The following DOK3 variants were observed in gnomAD, a reference collection of about 807,000 sequenced individuals.
The protein encoded by DOK3 is Dok-like protein.
DOK3 carries 23 observed loss-of-function variants against 26.2 expected under a neutral mutation model. That is an observed-to-expected ratio of 0.88 (90% CI 0.63 to 1.24). The LOEUF (loss-of-function observed/expected upper bound fraction) is 1.24, where lower values mean the gene tolerates loss of function less well. Among genes scored for constraint, DOK3 ranks in the 50% most tolerant of loss-of-function variants. DOK3 has a pLI of 0.00. For missense variants in DOK3, 619 were observed against 610.6 expected (o/e 1.01, Z -0.15); for synonymous variants, 268 against 268.2 (o/e 1.00, Z 0.01).
chr5:177,502,323 A>G lies in DOK3; in HGVS notation c.*1660T>C, dbSNP rs948236384. On this transcript the variant is annotated 3_prime_UTR_variant, in exon 6 of 6. Coordinates refer to ENST00000510898, the MANE Select transcript of DOK3 (RefSeq NM_001308236.3). ...TTTTTGCTGTGAAGAGGAACAGAGA[A>G]ACAGAGGTGGCCGAAGAGGAATGTG... 3 of 152,300 alleles carry G rather than the reference A, an allele frequency of 2.0e-5. No homozygotes were observed. Among genetic ancestry groups the G allele is most frequent in the African/African-American group, 7.2e-5 (3 of 41,464 alleles). 9.4% of individuals were successfully genotyped at this position (152,300 alleles called of 1,614,324 possible).
rs28376231 is a variant in DOK3, at chr5:177,503,134, G to A, written c.*849C>T. 1,548,260 of 1,551,610 alleles carry A rather than the reference G, an allele frequency of 1. 772,517 individuals carry two copies. The highest frequency in any genetic ancestry group is 1 in the East Asian group (40,898 of 40,898). On this transcript the variant is annotated 3_prime_UTR_variant, in exon 6 of 6. Coordinates refer to ENST00000510898, the MANE Select transcript of DOK3 (RefSeq NM_001308236.3). ...CCCTGGAGGCATGACGCTTGCGTGCGTGGCTGGCTCCTAGGATGGCGCCAG... is the reference window on the plus strand; with the variant it reads ...CCCTGGAGGCATGACGCTTGCGTGCATGGCTGGCTCCTAGGATGGCGCCAG...
rs555572662 is a variant in DOK3, at chr5:177,506,979, C to T, written c.372+1258G>A. Among the ~76,000 whole-genome samples the T allele has an allele frequency of 1.4e-3, 209 of 152,280 alleles. 1 individual carries two copies. Among genetic ancestry groups the T allele is most frequent in the Non-Finnish European group, 2.3e-3 (158 of 68,020 alleles). ...GGGATTATAGGCCTGAGCCACCGCACCCGGCCACCAGTGCTTTTTAGTATA... is the reference window on the plus strand; with the variant it reads ...GGGATTATAGGCCTGAGCCACCGCATCCGGCCACCAGTGCTTTTTAGTATA... On this transcript the variant is annotated intron_variant, in intron 3 of 5. Coordinates refer to ENST00000510898, the MANE Select transcript of DOK3 (RefSeq NM_001308236.3).
intron 2 of DOK3, 63 bp from the exon 3 acceptor site, chr5:177,508,605 C>T: frequency 7.0e-7 from 1 of 1,437,566 alleles, no homozygotes; most frequent in South Asian, 1.4e-5. Context: ...CCACTTGGCT[C>T]AGCACAAGCT....
intron 2 of DOK3, chr5:177,508,852 C>A (rs1760594270): frequency 2.9e-6 from 1 of 350,116 alleles, no homozygotes; most frequent in East Asian, 4.4e-5. Flanking sequence ...GGGCAGACCA[C>A]CAGACACTGC....
chr5:177,506,016 G>A (rs1335520086), intron 3 of DOK3, among the ~76,000 whole-genome samples: 1 of 151,720 alleles, frequency 6.6e-6, no homozygotes, highest in Non-Finnish European at 1.5e-5. Flanking sequence ...GGGATTACAG[G>A]CATGAGCCAC....
In DOK3 at chr5:177,502,753, G is replaced by A; in HGVS notation, c.*1230C>T. On this transcript the variant is annotated 3_prime_UTR_variant, in exon 6 of 6. Transcript: ENST00000510898. ...TCTGCTTAAATGGATTTCTCTGGCT[G>A]TGGGCAGCTGTGTGCAGGCACTGAG... The A allele has an allele frequency of 4.9e-6, 2 of 408,960 alleles. No individual in the cohort carries two copies. Among genetic ancestry groups the A allele is most frequent in the Non-Finnish European group, 8.8e-6 (2 of 227,170 alleles). 25.3% of individuals were successfully genotyped at this position (408,960 alleles called of 1,614,324 possible). A position where few individuals can be genotyped will look rare whatever the true frequency, so the allele number is the denominator to read the frequency against.
At position 177,504,395 on chromosome 5, in the gene DOK3, G is replaced by A; in HGVS notation, c.911C>T (p.Pro304Leu). The change falls in exon 6 of 6, where the codon CCC becomes CTC. Residue 304 changes from proline to leucine, a missense_variant. Pro to Leu is a moderately conservative substitution (Grantham distance 98, BLOSUM62 -3). Transcript: ENST00000510898. Reference protein sequence around the residue: ...PTSRKMHLAEPGPQSLPLLLG... With the variant: ...PTSRKMHLAELGPQSLPLLLG... ...CAGTAGCGGCAGGCTCTGGGGTCCG[G>A]GCTCGGCCAGGTGCATTTTCCTGGA... The A allele has an allele frequency of 1.3e-6, 2 of 1,566,112 alleles. No individual in the cohort carries two copies. Among genetic ancestry groups the A allele is most frequent in the Non-Finnish European group, 1.7e-6 (2 of 1,155,638 alleles).
At chr5:177,509,204 C>T in intron 2 of DOK3, 1 of 422,656 alleles carries the variant, frequency 2.4e-6, no homozygotes. Flanking sequence ...TGAAGCTCTT[C>T]CCTGCTGGGA....
At position 177,502,375 on chromosome 5, in the gene DOK3, A is replaced by T. The variant is rs1759434659; in HGVS notation, c.*1608T>A. On this transcript the variant is annotated 3_prime_UTR_variant, in exon 6 of 6. Coordinates refer to ENST00000510898, the MANE Select transcript of DOK3 (RefSeq NM_001308236.3). ...GGTCAAGGGAAGGTTTAAAATGTGA[A>T]ATTACAGAGCATGTTTGCGTGTGGC... The T allele has an allele frequency of 6.6e-6, 1 of 152,344 alleles. No individual in the cohort carries two copies. Among genetic ancestry groups the T allele is most frequent in the African/African-American group, 2.4e-5 (1 of 41,426 alleles). The allele number at this position is 152,344 out of a possible 1,614,324, so 9.4% of individuals were successfully genotyped here. A position where few individuals can be genotyped will look rare whatever the true frequency, so the allele number is the denominator to read the frequency against.
intron 3 of DOK3, among the ~76,000 whole-genome samples, chr5:177,506,647 A>G (rs542019331): frequency 2.2e-5 from 3 of 139,062 alleles, no homozygotes; most frequent in Non-Finnish European, 4.7e-5. Context: ...CCCATTTTAC[A>G]TCTTAAAGTG....
Position 177,502,870 on chromosome 5 carries a change from G to A in DOK3, c.*1113C>T, listed in dbSNP as rs554969950. On this transcript the variant is annotated 3_prime_UTR_variant, in exon 6 of 6. Coordinates refer to ENST00000510898, the MANE Select transcript of DOK3 (RefSeq NM_001308236.3). The stretch of plus-strand genomic sequence containing the variant: ...GGGAAGGGACTATGGAGAACAAAGA[G>A]GGGATGGTGGGCAGAGGCCTCGAAG... 3.3e-6 allele frequency: 2 copies of A among 602,866 alleles called. No individual in the cohort carries two copies. The highest frequency in any genetic ancestry group is 3.7e-5 in the African/African-American group (2 of 54,076). 37.3% of individuals were successfully genotyped at this position (602,866 alleles called of 1,614,324 possible). A position where few individuals can be genotyped will look rare whatever the true frequency, so the allele number is the denominator to read the frequency against.
chr5:177,502,434 G>A lies in DOK3; in HGVS notation c.*1549C>T, dbSNP rs1420602696. The A allele has an allele frequency of 2.0e-5, 3 of 152,596 alleles. No individual in the cohort carries two copies. The highest frequency in any genetic ancestry group is 4.8e-5 in the African/African-American group (2 of 41,464). 9.5% of individuals were successfully genotyped at this position (152,596 alleles called of 1,614,324 possible). A position where few individuals can be genotyped will look rare whatever the true frequency, so the allele number is the denominator to read the frequency against. On this transcript the variant is annotated 3_prime_UTR_variant, in exon 6 of 6. Coordinates refer to ENST00000510898, the MANE Select transcript of DOK3 (RefSeq NM_001308236.3). ...CTGCTGGTAGGATGAATGGGCGCAG[G>A]AGAGAGTGGGGACAGCTCAATTTTC...
At position 177,504,865 on chromosome 5, in the gene DOK3, G is replaced by T. The variant is rs773773638; in HGVS notation, c.523C>A (p.Gln175Lys). 6.2e-7 allele frequency: 1 copy of T among 1,607,382 alleles called. No individual in the cohort carries two copies. Among genetic ancestry groups the T allele is most frequent in the South Asian group, 1.1e-5 (1 of 90,298 alleles). The change falls in exon 5 of 6, where the codon CAG (glutamine) becomes AAG (lysine). Residue 175 changes from glutamine to lysine, a missense_variant. Gln to Lys is a moderately conservative substitution (Grantham distance 53). Coordinates refer to ENST00000510898, the MANE Select transcript of DOK3 (RefSeq NM_001308236.3). ...VQRTEAATRC[Q>K]LKGPALLVLG... The stretch of plus-strand genomic sequence containing the variant: ...ACCAGCAGGGCCGGCCCCTTCAGCT[G>T]GCAGCGGGTGGCGGCCTCAGTCCTC...
intron 3 of DOK3, among the ~76,000 whole-genome samples, chr5:177,505,332 G>C (rs1427046645): frequency 2.6e-5 from 4 of 152,164 alleles, no homozygotes. Context: ...CACTGTGCTT[G>C]AGGGTGTCTG....
intron 2 of DOK3, 90 bp downstream of exon 2, chr5:177,509,385 T>C: frequency 6.7e-7 from 1 of 1,496,288 alleles, no homozygotes; most frequent in Non-Finnish European, 9.0e-7. Flanking sequence ...GTCTCCCAGG[T>C]CTGCCTGGGC....
At chr5:177,509,864 C>T (rs751766090), upstream of DOK3, 7 of 1,609,884 alleles carry the variant, frequency 4.3e-6, no homozygotes, top group South Asian at 1.1e-5. Flanking sequence ...AGTTCCCGCC[C>T]CTCCCCCGTC....
At chr5:177,507,256 ATCC>A (rs1407184177) in intron 3 of DOK3, among the ~76,000 whole-genome samples, 1 of 151,792 alleles carries the variant, frequency 6.6e-6, no homozygotes, top group Non-Finnish European at 1.5e-5. Flanking sequence ...GGCTCAAGCA[ATCC>A]TCCTACCTCA....
chr5:177,508,730 C>A, intron 2 of DOK3, 188 bp from the exon 3 acceptor site: 1 of 554,304 alleles, frequency 1.8e-6, no homozygotes. Flanking sequence ...CAAATCCCAG[C>A]CCGCTCTTTC....
chr5:177,509,346 G>A, intron 2 of DOK3, 129 bp downstream of exon 2: 1 of 1,254,982 alleles, frequency 8.0e-7, no homozygotes, highest in South Asian at 1.5e-5. Flanking sequence ...ATACCTGGGT[G>A]GGATCCTCCA....
Sources: gnomAD v4.1 joint callset for allele counts (sites outside exome capture counted in the v4.1 genomes callset) on GRCh38, gnomAD v4.1.1 for gene constraint, MANE v1.5 for transcripts, NCBI Gene and HGNC (gene_info 2026-07-23, HGNC 2026-07-21) for gene names.